Variants in PAM observed in about 807,000 individuals in gnomAD.
PAM encodes the protein peptidylglycine alpha-amidating monooxygenase.
Under a neutral mutation model 122.1 loss-of-function variants are expected in PAM, and 72 were observed. The observed-to-expected ratio is 0.59, with a 90% CI of 0.49 to 0.72. The LOEUF (loss-of-function observed/expected upper bound fraction) is 0.72. PAM is among the 30% of genes least tolerant of loss of function. PAM has a pLI of 0.00. For synonymous variants in PAM, 389 were observed against 404.4 expected (o/e 0.96, Z 0.46); for missense variants, 1,106 against 1,183.7 (o/e 0.93, Z 0.96).
At chr5:103,028,331 C>A in intron 25 of PAM, 93 bp downstream of exon 25, 1 of 929,926 alleles carries the variant, frequency 1.1e-6, no homozygotes, top group Non-Finnish European at 1.7e-6. Flanking sequence ...CATATTTTGT[C>A]TCTGAAGATA....
intron 1 of PAM, among the ~76,000 whole-genome samples, chr5:102,805,723 G>C (rs1256268332): frequency 6.6e-6 from 1 of 152,170 alleles, no homozygotes; most frequent in Non-Finnish European, 1.5e-5. Flanking sequence ...GTGAGATCAC[G>C]CTGACCAAAA....
At chr5:102,848,923 T>G (rs1486551669) in intron 1 of PAM, among the ~76,000 whole-genome samples, 1 of 152,142 alleles carries the variant, frequency 6.6e-6, no homozygotes, top group Non-Finnish European at 1.5e-5. Flanking sequence ...GTCTTCAGAT[T>G]AGAATGGCCT....
chr5:102,920,310 T>C (rs1054023856), intron 5 of PAM, among the ~76,000 whole-genome samples: 3 of 152,072 alleles, frequency 2.0e-5, no homozygotes, highest in East Asian at 1.9e-4. Flanking sequence ...ATATTAATCA[T>C]TCACTATGTG....
intron 1 of PAM, among the ~76,000 whole-genome samples, chr5:102,793,643 G>T (rs171802): frequency 0.3 from 46,250 of 152,088 alleles, 7,492 homozygotes; most frequent in Non-Finnish European, 0.37. Context: ...TTAAGTACTG[G>T]TTTTTTTCAA....
chr5:103,013,049 C>T (rs1015761897), intron 21 of PAM, among the ~76,000 whole-genome samples: 2 of 152,064 alleles, frequency 1.3e-5, no homozygotes, highest in African/African-American at 4.8e-5. Flanking sequence ...TTAGTTTTGA[C>T]TATTCTGGGT....
At chr5:102,980,937 A>T (rs958270732) in intron 15 of PAM, among the ~76,000 whole-genome samples, 1 of 152,162 alleles carries the variant, frequency 6.6e-6, no homozygotes, top group Admixed American at 6.5e-5. Flanking sequence ...GACTTCATAC[A>T]TTTTTTTACA....
At chr5:102,809,562 G>C (rs1460506195) in intron 1 of PAM, among the ~76,000 whole-genome samples, 1 of 152,182 alleles carries the variant, frequency 6.6e-6, no homozygotes, top group East Asian at 1.9e-4. Context: ...GTTGCTGACA[G>C]GTGGGTAAAT....
intron 1 of PAM, among the ~76,000 whole-genome samples, chr5:102,796,809 A>G (rs960974683): frequency 1.3e-5 from 2 of 152,188 alleles, no homozygotes; most frequent in African/African-American, 4.8e-5. Flanking sequence ...TGGTTTTCTT[A>G]TTTGTAAAAT....
rs1761863175 is a variant in PAM at position 102,959,574 on chromosome 5, A to G, written c.906-301A>G. On this transcript the variant is annotated intron_variant, in intron 12 of 25. Transcript: ENST00000438793. Reference sequence around the variant, plus strand: ...AGGGGACTAAAGAATAAAAAGATTCAAGAGAGAAAAGAAAGTACCATATTC... The same window carrying G: ...AGGGGACTAAAGAATAAAAAGATTCGAGAGAGAAAAGAAAGTACCATATTC... 1.3e-5 allele frequency among the ~76,000 whole-genome samples: 2 copies of G among 152,250 alleles called. 1 individual carries two copies. The highest frequency in any genetic ancestry group is 4.1e-4 in the South Asian group (2 of 4,826).
intron 4 of PAM, among the ~76,000 whole-genome samples, chr5:102,907,633 G>A (rs553514406): frequency 1.3e-5 from 2 of 150,614 alleles, no homozygotes; most frequent in African/African-American, 4.8e-5. Flanking sequence ...TCCAGCACCT[G>A]TTGTTTCCTG....
chr5:102,896,981 T>C (rs1226546971), intron 3 of PAM, among the ~76,000 whole-genome samples: 1 of 151,672 alleles, frequency 6.6e-6, no homozygotes, highest in African/African-American at 2.4e-5. Context: ...ATGCATGCAT[T>C]AAAAACACTT....
intron 3 of PAM, among the ~76,000 whole-genome samples, chr5:102,874,548 T>G (rs1393816484): frequency 6.6e-6 from 1 of 151,946 alleles, no homozygotes; most frequent in East Asian, 1.9e-4. Flanking sequence ...CATTTTTTCC[T>G]TTCTTTATAA....
intron 14 of PAM, among the ~76,000 whole-genome samples, chr5:102,968,812 C>T (rs1764896391): frequency 6.6e-6 from 1 of 152,094 alleles, no homozygotes; most frequent in Admixed American, 6.5e-5. Context: ...CAGCACTATT[C>T]CCAATAGCGA....
intron 3 of PAM, among the ~76,000 whole-genome samples, chr5:102,877,054 T>TA (rs939025924): frequency 2.0e-5 from 3 of 152,198 alleles, no homozygotes; most frequent in Non-Finnish European, 4.4e-5. Context: ...TCATTATAGA[T>TA]ACAAAACAAA....
chr5:103,001,203 C>T (rs1466384180), intron 16 of PAM, among the ~76,000 whole-genome samples: 1 of 152,076 alleles, frequency 6.6e-6, no homozygotes, highest in Non-Finnish European at 1.5e-5. Context: ...CTATGTTTTT[C>T]AGAGGAATAG....
chr5:102,820,246 G>T (rs1011283451), intron 1 of PAM, among the ~76,000 whole-genome samples: 4 of 149,746 alleles, frequency 2.7e-5, no homozygotes, highest in Non-Finnish European at 4.4e-5. Flanking sequence ...AGGGTCCTGT[G>T]TGTTGTTAGA....
chr5:102,949,747 T>C (rs545022864), intron 10 of PAM, 130 bp downstream of exon 10: 2 of 687,812 alleles, frequency 2.9e-6, no homozygotes, highest in African/African-American at 1.8e-5. Context: ...CCTTGAAATA[T>C]TTTATGCTGT....
chr5:102,926,376 C>G (rs1270593137), intron 6 of PAM, among the ~76,000 whole-genome samples: 1 of 152,196 alleles, frequency 6.6e-6, no homozygotes, highest in Non-Finnish European at 1.5e-5. Flanking sequence ...GAAGTGGGAA[C>G]TATGAGTAGA....
chr5:103,007,071 A>G, intron 19 of PAM, 60 bp downstream of exon 19: 1 of 1,229,382 alleles, frequency 8.1e-7, no homozygotes, highest in Non-Finnish European at 1.2e-6. Flanking sequence ...CTGGGAACTA[A>G]ATATTGGCCA....
Sources: allele counts gnomAD v4.1 joint callset (sites outside exome capture counted in the v4.1 genomes callset), GRCh38; gene constraint gnomAD v4.1.1; transcripts MANE v1.5; gene names NCBI Gene and HGNC (gene_info 2026-07-23, HGNC 2026-07-21).